Variants in CCDC178 observed in about 807,000 individuals in gnomAD.
CCDC178 encodes coiled-coil domain-containing protein 178.
A neutral mutation model predicts 117.4 loss-of-function variants in CCDC178; 126 were observed. The ratio of observed to expected loss-of-function variants is 1.07; its 90% CI spans 0.93 to 1.24. CCDC178 has a LOEUF of 1.24. CCDC178 is among the 50% of genes most tolerant of loss of function. The probability of loss-of-function intolerance (pLI) is 0.00; values close to 1 mark genes in which losing one functional copy is unlikely to be tolerated. For synonymous variants in CCDC178, 283 were observed against 313.4 expected, an observed-to-expected ratio of 0.90 and a Z score of 1.02; for missense variants, 1,030 against 986.9, an observed-to-expected ratio of 1.04 and a Z score of -0.59.
intron 21 of CCDC178, among the ~76,000 whole-genome samples, chr18:32,987,269 G>T (rs954689736): frequency 7.2e-5 from 11 of 151,816 alleles, no homozygotes; most frequent in African/African-American, 2.7e-4. Flanking sequence ...AAAACTAAAA[G>T]ATAGTCAAGA....
chr18:33,413,345 A>G (rs896303969), intron 2 of CCDC178, among the ~76,000 whole-genome samples: 1 of 152,174 alleles, frequency 6.6e-6, no homozygotes, highest in Non-Finnish European at 1.5e-5. Context: ...TAAGCTATAG[A>G]AAAGAGCATA....
chr18:33,421,316 C>G (rs114129513), intron 2 of CCDC178, among the ~76,000 whole-genome samples: 1 of 152,190 alleles, frequency 6.6e-6, no homozygotes, highest in Non-Finnish European at 1.5e-5. Context: ...AGGATTCCAT[C>G]ATGCTGGCCC....
chr18:33,194,776 A>G (rs536373531), intron 20 of CCDC178, among the ~76,000 whole-genome samples: 37 of 151,880 alleles, frequency 2.4e-4, no homozygotes, highest in African/African-American at 8.7e-4. Context: ...GAAAAACACA[A>G]TTTCAGGCTT....
chr18:33,213,227 T>C (rs940390768), intron 19 of CCDC178, among the ~76,000 whole-genome samples: 8 of 152,064 alleles, frequency 5.3e-5, no homozygotes, highest in Non-Finnish European at 1.2e-4. Flanking sequence ...CTTTTTCTGA[T>C]TCAGCAGTTC....
intron 10 of CCDC178, among the ~76,000 whole-genome samples, chr18:33,331,125 CT>C (rs2144622867): frequency 6.8e-6 from 1 of 147,034 alleles, no homozygotes; most frequent in South Asian, 2.2e-4. Flanking sequence ...TCCACTTGCC[CT>C]GCTTATAATG....
intron 21 of CCDC178, among the ~76,000 whole-genome samples, chr18:33,049,776 A>G (rs539606437): frequency 4.6e-4 from 70 of 152,274 alleles, no homozygotes; most frequent in African/African-American, 1.6e-3. Flanking sequence ...TTTCCTAACA[A>G]TACTTTAAAA....
At position 33,415,550 on chromosome 18, in the gene CCDC178, G is replaced by A. The variant is rs139925200; in HGVS notation, c.-22-3440C>T. On this transcript the variant is annotated intron_variant, in intron 2 of 22. Coordinates refer to ENST00000383096, the MANE Select transcript of CCDC178 (RefSeq NM_001105528.4). ...GGGACATCACACATCAGGGCCTGTC[G>A]TGGGGTGGGGGGATGGGGGATAGCA... is the stretch of plus-strand genomic sequence containing the variant. Among the ~76,000 whole-genome samples, 954 of 151,184 alleles carry A rather than the reference G, an allele frequency of 6.3e-3. 9 individuals are homozygous for A. Among genetic ancestry groups the A allele is most frequent in the African/African-American group, 0.022 (901 of 41,030 alleles).
chr18:33,270,271 C>T (rs567795445), intron 12 of CCDC178, among the ~76,000 whole-genome samples: 2 of 150,622 alleles, frequency 1.3e-5, no homozygotes, highest in South Asian at 2.1e-4. Flanking sequence ...AATATACATA[C>T]AAAAGTAAAA....
At chr18:33,169,637 C>T (rs1033797106) in intron 20 of CCDC178, among the ~76,000 whole-genome samples, 1 of 152,126 alleles carries the variant, frequency 6.6e-6, no homozygotes. Flanking sequence ...CAGATGCCAA[C>T]TCTTTACTTA....
In CCDC178 at chr18:33,172,942, T is replaced by C. The variant is rs9959972; in HGVS notation, c.2238+38954A>G. ...TCCTTCCTGTATCATAATTTTATGCTTCTTCAGAGGATGTCAAATTGATCT... is the reference window on the plus strand; with the variant it reads ...TCCTTCCTGTATCATAATTTTATGCCTCTTCAGAGGATGTCAAATTGATCT... On this transcript the variant is annotated intron_variant, in intron 20 of 22. Transcript: ENST00000383096. Among the ~76,000 whole-genome samples the C allele has an allele frequency of 7.8e-3, 1,196 of 152,358 alleles. 13 individuals carry two copies. Among genetic ancestry groups the C allele is most frequent in the African/African-American group, 0.027 (1,114 of 41,586 alleles).
rs138327273 is a variant in CCDC178, at chr18:33,383,539, T to C, written c.208+6001A>G. On this transcript the variant is annotated intron_variant, in intron 5 of 22. Transcript: ENST00000383096. Reference sequence around the variant, plus strand: ...AAAGAGCAGGAAGCAATCTTTGCTATTCTGCATCCTCCACTGGTGCTACCC... The same window carrying C: ...AAAGAGCAGGAAGCAATCTTTGCTACTCTGCATCCTCCACTGGTGCTACCC... Among the ~76,000 whole-genome samples, 106 of 152,168 alleles carry C rather than the reference T, an allele frequency of 7.0e-4. 1 individual carries two copies. The highest frequency in any genetic ancestry group is 2.5e-3 in the African/African-American group (104 of 41,532).
chr18:33,336,881 C>CT (rs887076435), intron 9 of CCDC178, among the ~76,000 whole-genome samples: 7 of 151,712 alleles, frequency 4.6e-5, no homozygotes, highest in Non-Finnish European at 8.8e-5. Context: ...TATGCAGACT[C>CT]TTTTTTTTGG....
intron 20 of CCDC178, among the ~76,000 whole-genome samples, chr18:33,186,343 C>T (rs1375336392): frequency 6.6e-6 from 1 of 151,964 alleles, no homozygotes; most frequent in Non-Finnish European, 1.5e-5. Flanking sequence ...CAACTTAGCA[C>T]TCTTAGCAGT....
chr18:33,246,456 A>G (rs1423547795), intron 14 of CCDC178, among the ~76,000 whole-genome samples: 2 of 151,788 alleles, frequency 1.3e-5, no homozygotes, highest in Non-Finnish European at 2.9e-5. Context: ...CAGAACACAG[A>G]GAAGATTGAA....
chr18:33,432,142 C>A (rs971686802), intron 2 of CCDC178, among the ~76,000 whole-genome samples: 3 of 152,086 alleles, frequency 2.0e-5, no homozygotes, highest in African/African-American at 7.2e-5. Context: ...CTGGTACTCT[C>A]AATGGAAGAG....
At chr18:33,337,169 G>C (rs1354520949) in intron 9 of CCDC178, among the ~76,000 whole-genome samples, 2 of 149,600 alleles carry the variant, frequency 1.3e-5, no homozygotes, top group Non-Finnish European at 3.0e-5. Flanking sequence ...CATGAAAGGA[G>C]TTGAGTTCCT....
At chr18:33,172,270 C>T (rs1258521188) in intron 20 of CCDC178, among the ~76,000 whole-genome samples, 1 of 152,112 alleles carries the variant, frequency 6.6e-6, no homozygotes, top group Non-Finnish European at 1.5e-5. Context: ...ATATACCTGT[C>T]CTTGACTTCA....
chr18:33,057,601 T>C (rs9676234), intron 21 of CCDC178, among the ~76,000 whole-genome samples: 21,653 of 152,066 alleles, frequency 0.14, 2,394 homozygotes, highest in African/African-American at 0.31. Flanking sequence ...AAGTGGTTCT[T>C]CTGTCTCAGC....
At chr18:33,264,209 G>A (rs1279974045) in intron 14 of CCDC178, among the ~76,000 whole-genome samples, 1 of 152,048 alleles carries the variant, frequency 6.6e-6, no homozygotes, top group Non-Finnish European at 1.5e-5. Flanking sequence ...AGACTTGCCA[G>A]TTTATATGTG....
Sources: gnomAD v4.1 joint callset for allele counts (sites outside exome capture counted in the v4.1 genomes callset) on GRCh38, gnomAD v4.1.1 for gene constraint, MANE v1.5 for transcripts, NCBI Gene and HGNC (gene_info 2026-07-23, HGNC 2026-07-21) for gene names.